The following NMNAT2 variants were observed in gnomAD, a reference collection of about 807,000 sequenced individuals.
The protein encoded by NMNAT2 is nicotinamide nucleotide adenylyltransferase 2.
A neutral mutation model predicts 41.6 loss-of-function variants in NMNAT2; 11 were observed. The observed-to-expected ratio is 0.26, with a 90% CI of 0.17 to 0.44. NMNAT2 has a LOEUF of 0.44. NMNAT2 is among the 20% of genes least tolerant of loss of function. NMNAT2 has a pLI of 1.00. For synonymous variants in NMNAT2, 148 were observed against 151.2 expected, an observed-to-expected ratio of 0.98 and a Z score of 0.16; for missense variants, 288 against 407.7, an observed-to-expected ratio of 0.71 and a Z score of 2.53.
intron 1 of NMNAT2, among the ~76,000 whole-genome samples, chr1:183,417,595 G>A (rs1649291416): frequency 6.6e-6 from 1 of 152,116 alleles, no homozygotes; most frequent in Admixed American, 6.5e-5. Context: ...ACCTCGCGCG[G>A]GCAATACACG....
chr1:183,314,580 G>C (rs1260303546), intron 1 of NMNAT2, among the ~76,000 whole-genome samples: 1 of 152,250 alleles, frequency 6.6e-6, no homozygotes, highest in African/African-American at 2.4e-5. Flanking sequence ...CAGGGGCAGA[G>C]CAGCCTTGGC....
chr1:183,307,819 T>A (rs1662029645), intron 1 of NMNAT2, among the ~76,000 whole-genome samples: 1 of 152,190 alleles, frequency 6.6e-6, no homozygotes, highest in Admixed American at 6.5e-5. Context: ...TGACTTCAGG[T>A]GATCTGCACG....
intron 1 of NMNAT2, among the ~76,000 whole-genome samples, chr1:183,338,390 A>G (rs1213689795): frequency 2.6e-5 from 4 of 152,162 alleles, no homozygotes; most frequent in Non-Finnish European, 5.9e-5. Flanking sequence ...TTGAGGAGAA[A>G]TGACAACAGT....
chr1:183,380,838 A>T (rs921229378), intron 1 of NMNAT2, among the ~76,000 whole-genome samples: 3 of 152,170 alleles, frequency 2.0e-5, no homozygotes, highest in African/African-American at 7.2e-5. Context: ...GCTGCTTGTC[A>T]CCTTGTAGGA....
chr1:183,310,897 C>A (rs963696271), intron 1 of NMNAT2, among the ~76,000 whole-genome samples: 1 of 151,796 alleles, frequency 6.6e-6, no homozygotes, highest in African/African-American at 2.4e-5. Context: ...TGTTTTTCCA[C>A]CCCTTTTAGC....
In NMNAT2 at chr1:183,333,083, A is replaced by G. The variant is rs1033129055; in HGVS notation, c.86-39290T>C. Among the ~76,000 whole-genome samples the G allele has an allele frequency of 6.0e-4, 92 of 152,122 alleles. 1 individual carries two copies. The highest frequency in any genetic ancestry group is 1.8e-4 in the Non-Finnish European group (12 of 68,014). On this transcript the variant is annotated intron_variant, in intron 1 of 10. Coordinates refer to ENST00000287713, the MANE Select transcript of NMNAT2 (RefSeq NM_015039.4). ...ACTCCCATTGGAAAACCCCATAGAGAAGGACTCCAAACAGCTTCACAAATC... is the reference window on the plus strand; with the variant it reads ...ACTCCCATTGGAAAACCCCATAGAGGAGGACTCCAAACAGCTTCACAAATC...
At chr1:183,288,255 C>T (rs1241925340) in intron 4 of NMNAT2, among the ~76,000 whole-genome samples, 1 of 152,228 alleles carries the variant, frequency 6.6e-6, no homozygotes, top group Non-Finnish European at 1.5e-5. Context: ...TGGGCTCCTG[C>T]ATTCTCAGAG....
intron 1 of NMNAT2, among the ~76,000 whole-genome samples, chr1:183,405,738 T>C (rs1341173653): frequency 1.3e-5 from 2 of 152,248 alleles, no homozygotes; most frequent in Non-Finnish European, 2.9e-5. Context: ...AGAGAACTTG[T>C]TTTAAAAATA....
chr1:183,406,201 G>T (rs1648950054), intron 1 of NMNAT2, among the ~76,000 whole-genome samples: 1 of 152,174 alleles, frequency 6.6e-6, no homozygotes, highest in Non-Finnish European at 1.5e-5. Flanking sequence ...TGAATAGAGG[G>T]ATGTAGACAA....
intron 7 of NMNAT2, among the ~76,000 whole-genome samples, chr1:183,281,644 A>G (rs1440681175): frequency 6.6e-6 from 1 of 152,172 alleles, no homozygotes; most frequent in East Asian, 1.9e-4. Context: ...GATCCCACAT[A>G]TGGCCACTGG....
chr1:183,343,187 A>G (rs1039317503), intron 1 of NMNAT2, among the ~76,000 whole-genome samples: 1 of 152,144 alleles, frequency 6.6e-6, no homozygotes, highest in Non-Finnish European at 1.5e-5. Context: ...ACATCCAAGC[A>G]ATCACCAAGC....
intron 1 of NMNAT2, among the ~76,000 whole-genome samples, chr1:183,348,585 C>T (rs1017424545): frequency 6.6e-6 from 1 of 152,186 alleles, no homozygotes; most frequent in Non-Finnish European, 1.5e-5. Context: ...TTGCATAATA[C>T]ATCAGACCAG....
At chr1:183,358,318 C>T (rs1387772681) in intron 1 of NMNAT2, among the ~76,000 whole-genome samples, 1 of 152,104 alleles carries the variant, frequency 6.6e-6, no homozygotes, top group Non-Finnish European at 1.5e-5. Flanking sequence ...AACTAATGGG[C>T]TTAATATCTG....
chr1:183,400,175 G>A (rs1229156592), intron 1 of NMNAT2, among the ~76,000 whole-genome samples: 1 of 152,162 alleles, frequency 6.6e-6, no homozygotes, highest in East Asian at 1.9e-4. Flanking sequence ...CATCGTCTCA[G>A]CCCAAAATCT....
In NMNAT2 at chr1:183,381,228, C is replaced by T. The variant is rs536405960; in HGVS notation, c.85+36955G>A. Among the ~76,000 whole-genome samples the T allele has an allele frequency of 2.9e-4, 44 of 152,270 alleles. 2 individuals are homozygous for T. In the South Asian group the frequency reaches 9.1e-3, roughly 32 times the overall value. On this transcript the variant is annotated intron_variant, in intron 1 of 10. Transcript: ENST00000287713. ...CCTGTTCTGGACAGAAGATTGGCAA[C>T]CTTTTGGGTCCTCCCTCTCTCAACC...
intron 3 of NMNAT2, among the ~76,000 whole-genome samples, chr1:183,290,928 T>C (rs1485197946): frequency 2.0e-5 from 3 of 151,906 alleles, no homozygotes; most frequent in South Asian, 2.1e-4. Flanking sequence ...ACTTAATGAT[T>C]TTTTTTTAGA....
intron 1 of NMNAT2, among the ~76,000 whole-genome samples, chr1:183,396,517 C>T (rs1005092190): frequency 2.0e-5 from 3 of 152,028 alleles, no homozygotes; most frequent in Non-Finnish European, 4.4e-5. Context: ...GGACATTTGA[C>T]TGGTAAGGGA....
Position 183,252,063 on chromosome 1 carries a change from ACCACAGGAG to A in NMNAT2, c.*569_*577del, listed in dbSNP as rs1269716075. Reference sequence around the variant, plus strand: ...AATGTCCTATCAGAGGGGAAGTAATACCACAGGAGCACATCAAGACTACAAACATAAAGA... The same window carrying A: ...AATGTCCTATCAGAGGGGAAGTAATACACATCAAGACTACAAACATAAAGA... On this transcript the variant is annotated 3_prime_UTR_variant, in exon 11 of 11. Transcript: ENST00000287713. The A allele has an allele frequency of 3.9e-5, 6 of 153,688 alleles. No homozygotes were observed. Among genetic ancestry groups the A allele is most frequent in the Non-Finnish European group, 7.2e-5 (5 of 69,172 alleles). 9.5% of individuals were successfully genotyped at this position (153,688 alleles called of 1,614,324 possible).
At chr1:183,333,560 A>G (rs1662626619) in intron 1 of NMNAT2, among the ~76,000 whole-genome samples, 1 of 152,258 alleles carries the variant, frequency 6.6e-6, no homozygotes, top group Non-Finnish European at 1.5e-5. Flanking sequence ...AGTCTCTGAA[A>G]GGTGGAAATG....
Sources: gnomAD v4.1 joint callset for allele counts (sites outside exome capture counted in the v4.1 genomes callset) on GRCh38, gnomAD v4.1.1 for gene constraint, MANE v1.5 for transcripts, NCBI Gene and HGNC (gene_info 2026-07-23, HGNC 2026-07-21) for gene names.